The following RNF180 variants were observed in gnomAD, a reference collection of about 807,000 sequenced individuals.
RNF180 encodes the protein E3 ubiquitin-protein ligase RNF180.
Under a neutral mutation model 59.2 loss-of-function variants are expected in RNF180, and 38 were observed. That is an observed-to-expected ratio of 0.64 (90% CI 0.50 to 0.84). The LOEUF (loss-of-function observed/expected upper bound fraction) is 0.84. Ranked by LOEUF, RNF180 falls within the 40% of genes least tolerant of loss-of-function variation. The pLI is 0.00. For missense variants in RNF180, 705 were observed against 700.9 expected, an observed-to-expected ratio of 1.01 and a Z score of -0.07; for synonymous variants, 262 against 240.3, an observed-to-expected ratio of 1.09 and a Z score of -0.84.
chr5:64,335,311 T>G (rs980701052), intron 7 of RNF180, among the ~76,000 whole-genome samples: 1 of 152,120 alleles, frequency 6.6e-6, no homozygotes, highest in Non-Finnish European at 1.5e-5. Flanking sequence ...TTTGATATAT[T>G]TTAATGAATT....
rs1464184830 is a variant in RNF180 at position 64,200,866 on chromosome 5, T to C, written c.59T>C (p.Leu20Pro). 6 of 1,611,950 alleles carry C rather than the reference T, an allele frequency of 3.7e-6. No individual in the cohort carries two copies. The African/African-American group carries it at 6.7e-5, about 18-fold the overall frequency. The change falls in exon 2 of 8, where the codon CTT becomes CCT. Residue 20 changes from leucine to proline, a missense_variant. Coordinates refer to ENST00000389100, the MANE Select transcript of RNF180 (RefSeq NM_001113561.2). Reference sequence around the variant, plus strand: ...CATAGTCAAGAGGAAACAAGTATTCTTCGTTGTTGGAAATGTAGAAAATGT... The same window carrying C: ...CATAGTCAAGAGGAAACAAGTATTCCTCGTTGTTGGAAATGTAGAAAATGT... ...KNHSQEETSILRCWKCRKCIA... is the reference protein window; with the variant it reads ...KNHSQEETSIPRCWKCRKCIA...
At chr5:64,212,921 C>A (rs896867248) in intron 3 of RNF180, among the ~76,000 whole-genome samples, 8 of 152,134 alleles carry the variant, frequency 5.3e-5, no homozygotes, top group African/African-American at 1.9e-4. Flanking sequence ...TAGGAGAATG[C>A]CAGTGCACTG....
At chr5:64,341,439 G>A (rs1285733903) in intron 7 of RNF180, among the ~76,000 whole-genome samples, 3 of 152,110 alleles carry the variant, frequency 2.0e-5, no homozygotes, top group Admixed American at 6.5e-5. Context: ...TCAATAAATG[G>A]TGTCATTTAA....
intron 5 of RNF180, among the ~76,000 whole-genome samples, chr5:64,318,252 T>G (rs1490838816): frequency 6.6e-6 from 1 of 152,186 alleles, no homozygotes; most frequent in East Asian, 1.9e-4. Context: ...GTTATGTGAA[T>G]GTGTTCTCCC....
intron 1 of RNF180, among the ~76,000 whole-genome samples, chr5:64,193,548 G>C (rs1579971039): frequency 6.6e-6 from 1 of 152,118 alleles, no homozygotes; most frequent in Non-Finnish European, 1.5e-5. Flanking sequence ...CATTACATTA[G>C]ATCTTTCTAT....
At chr5:64,180,875 A>G (rs1750534801) in intron 1 of RNF180, among the ~76,000 whole-genome samples, 1 of 152,160 alleles carries the variant, frequency 6.6e-6, no homozygotes, top group Non-Finnish European at 1.5e-5. Context: ...ACTAGGCAGA[A>G]GGGGAATTTG....
chr5:64,240,380 A>G (rs1029193579), intron 5 of RNF180, among the ~76,000 whole-genome samples: 5 of 152,208 alleles, frequency 3.3e-5, no homozygotes, highest in East Asian at 1.9e-4. Flanking sequence ...TTAGCAGGCC[A>G]TATGCCTAAA....
At chr5:64,180,932 G>A (rs1750538323) in intron 1 of RNF180, among the ~76,000 whole-genome samples, 1 of 152,094 alleles carries the variant, frequency 6.6e-6, no homozygotes, top group Non-Finnish European at 1.5e-5. Context: ...AACAAGTCTG[G>A]ATCCCAAAAC....
chr5:64,291,858 A>G (rs1169774836), intron 5 of RNF180, among the ~76,000 whole-genome samples: 1 of 151,726 alleles, frequency 6.6e-6, no homozygotes, highest in Non-Finnish European at 1.5e-5. Flanking sequence ...ATTCTTCTCT[A>G]TTCTTATCTG....
Position 64,214,426 on chromosome 5 carries a change from G to T in RNF180, c.1100G>T (p.Ser367Ile). ...FLHSANFSLG[S>I]INQRLNKRER... Reference sequence around the variant, plus strand: ...CACTCAGCCAATTTTTCATTGGGCAGCATTAATCAGAGGCTTAATAAGAGA... The same window carrying T: ...CACTCAGCCAATTTTTCATTGGGCATCATTAATCAGAGGCTTAATAAGAGA... The change falls in exon 4 of 8, where the codon AGC becomes ATC. Residue 367 changes from serine to isoleucine, a missense_variant. Ser to Ile is a moderately radical substitution (Grantham distance 142). Transcript: ENST00000389100. The T allele has an allele frequency of 6.8e-6, 11 of 1,613,966 alleles. No individual in the cohort carries two copies. Among genetic ancestry groups the T allele is most frequent in the Non-Finnish European group, 8.5e-6 (10 of 1,179,918 alleles).
At chr5:64,297,630 TTTAA>T (rs1177712727) in intron 5 of RNF180, among the ~76,000 whole-genome samples, 5 of 152,054 alleles carry the variant, frequency 3.3e-5, no homozygotes, top group Non-Finnish European at 7.4e-5. Context: ...TCACAACATG[TTTAA>T]TTATCTCATA....
rs1390298198 is a variant in RNF180 at position 64,213,901 on chromosome 5, A to G, written c.575A>G (p.Glu192Gly). Residue 192 changes from glutamate (E) to glycine (G), a missense_variant, in exon 4 of 8, where the codon GAG becomes GGG. Coordinates refer to ENST00000389100, the MANE Select transcript of RNF180 (RefSeq NM_001113561.2). Reference protein sequence around the residue: ...LCLEVRPTYFEMKNEKLLSKA... With the variant: ...LCLEVRPTYFGMKNEKLLSKA... ...CTGGAGGTGCGACCAACATATTTTG[A>G]GATGAAGAACGAAAAACTGCTGTCC... 1 of 1,614,126 alleles carries G rather than the reference A, an allele frequency of 6.2e-7. No individual in the cohort carries two copies. Among genetic ancestry groups the G allele is most frequent in the South Asian group, 1.1e-5 (1 of 91,088 alleles).
chr5:64,232,320 C>G (rs556321156), intron 5 of RNF180, among the ~76,000 whole-genome samples: 463 of 152,234 alleles, frequency 3.0e-3, no homozygotes, highest in Non-Finnish European at 5.7e-3. Flanking sequence ...ATCAGAATCA[C>G]TAGGGGAGTT....
At chr5:64,267,961 G>C (rs1248304260) in intron 5 of RNF180, among the ~76,000 whole-genome samples, 1 of 152,110 alleles carries the variant, frequency 6.6e-6, no homozygotes, top group Non-Finnish European at 1.5e-5. Flanking sequence ...TTTAAATAGA[G>C]ATTAGGTAGA....
chr5:64,334,547 G>A (rs1018337493), intron 7 of RNF180, among the ~76,000 whole-genome samples: 2 of 152,090 alleles, frequency 1.3e-5, no homozygotes, highest in Non-Finnish European at 2.9e-5. Context: ...ACCTTCTGTA[G>A]TTCTTCTTTG....
intron 5 of RNF180, among the ~76,000 whole-genome samples, chr5:64,228,991 G>A (rs1490061142): frequency 1.4e-5 from 2 of 142,446 alleles, no homozygotes; most frequent in African/African-American, 2.7e-5. Context: ...GCGTGATCTC[G>A]GCTCACTGCA....
chr5:64,250,336 C>G (rs937051627), intron 5 of RNF180, among the ~76,000 whole-genome samples: 3 of 152,040 alleles, frequency 2.0e-5, no homozygotes, highest in African/African-American at 7.2e-5. Flanking sequence ...GAACAGAAAT[C>G]TCAACCTAGC....
intron 5 of RNF180, among the ~76,000 whole-genome samples, chr5:64,302,934 T>C (rs914302790): frequency 6.6e-6 from 1 of 151,728 alleles, no homozygotes; most frequent in Non-Finnish European, 1.5e-5. Flanking sequence ...GTAGATACTG[T>C]GTTTTTAACA....
At chr5:64,211,281 G>A (rs960896329) in intron 2 of RNF180, among the ~76,000 whole-genome samples, 14 of 152,216 alleles carry the variant, frequency 9.2e-5, no homozygotes, top group African/African-American at 3.4e-4. Context: ...GGATCTATGG[G>A]ATTTGGGGCA....
Sources: gnomAD v4.1 joint callset for allele counts (sites outside exome capture counted in the v4.1 genomes callset) on GRCh38, gnomAD v4.1.1 for gene constraint, MANE v1.5 for transcripts, NCBI Gene and HGNC (gene_info 2026-07-23, HGNC 2026-07-21) for gene names.